Variants in DDX10 observed in about 807,000 individuals in gnomAD.
DDX10 encodes DEAD-box helicase 10, also known as probable ATP-dependent RNA helicase DDX10.
A neutral mutation model predicts 104.3 loss-of-function variants in DDX10; 74 were observed. The observed-to-expected ratio is 0.71, with a 90% CI of 0.59 to 0.86. DDX10 has a LOEUF of 0.86. DDX10 is among the 40% of genes least tolerant of loss of function. The pLI, the probability that DDX10 is intolerant of heterozygous loss-of-function variation, is 0.00. For synonymous variants in DDX10, 351 were observed against 353.4 expected, an observed-to-expected ratio of 0.99 and a Z score of 0.08; for missense variants, 952 against 1,040.0, an observed-to-expected ratio of 0.92 and a Z score of 1.16.
chr11:108,878,790 G>GT (rs34268579), intron 16 of DDX10, among the ~76,000 whole-genome samples: 142,093 of 150,000 alleles, frequency 0.95, 67,725 homozygotes, highest in South Asian at 1. Flanking sequence ...TAACATAGTT[G>GT]TTTTTTTTTT....
At chr11:108,707,755 T>A (rs2077790412) in intron 10 of DDX10, among the ~76,000 whole-genome samples, 1 of 152,184 alleles carries the variant, frequency 6.6e-6, no homozygotes, top group African/African-American at 2.4e-5. Context: ...TTCATTCCCT[T>A]AATAAAAATA....
At chr11:108,754,858 G>C (rs187283335) in intron 13 of DDX10, among the ~76,000 whole-genome samples, 145 of 152,142 alleles carry the variant, frequency 9.5e-4, no homozygotes, top group African/African-American at 3.4e-3. Flanking sequence ...TTAAAAACCA[G>C]AAAGTCAGAA....
At chr11:108,897,208 A>G (rs2134645081) in intron 16 of DDX10, among the ~76,000 whole-genome samples, 1 of 152,282 alleles carries the variant, frequency 6.6e-6, no homozygotes, top group South Asian at 2.1e-4. Flanking sequence ...CCCCAAAGAC[A>G]GTTCAAAGAA....
intron 17 of DDX10, among the ~76,000 whole-genome samples, chr11:108,936,244 T>A (rs956635532): frequency 2.0e-5 from 3 of 152,222 alleles, no homozygotes; most frequent in Non-Finnish European, 4.4e-5. Context: ...TGTTGTATGA[T>A]ACGTCCTTTC....
chr11:108,898,813 G>T (rs536269734), intron 16 of DDX10, among the ~76,000 whole-genome samples: 5 of 152,258 alleles, frequency 3.3e-5, no homozygotes, highest in African/African-American at 1.2e-4. Context: ...AAGAGCAGAG[G>T]GGCTTTGGTA....
chr11:108,777,590 T>C (rs1409628363), intron 13 of DDX10, among the ~76,000 whole-genome samples: 2 of 152,222 alleles, frequency 1.3e-5, no homozygotes, highest in African/African-American at 2.4e-5. Flanking sequence ...CCTGAAGTGC[T>C]GGGATTACAG....
intron 6 of DDX10, among the ~76,000 whole-genome samples, chr11:108,687,703 A>G (rs1055368102): frequency 6.6e-6 from 1 of 152,130 alleles, no homozygotes; most frequent in Non-Finnish European, 1.5e-5. Flanking sequence ...TGTTTTTTGC[A>G]AATATTTTTC....
At chr11:108,896,095 A>T (rs544617599) in intron 16 of DDX10, among the ~76,000 whole-genome samples, 1 of 152,256 alleles carries the variant, frequency 6.6e-6, no homozygotes, top group South Asian at 2.1e-4. Flanking sequence ...TTAGTAGGAG[A>T]TCCACTTTGC....
intron 12 of DDX10, among the ~76,000 whole-genome samples, chr11:108,720,462 A>AAT (rs1359250397): frequency 6.6e-6 from 1 of 152,140 alleles, no homozygotes; most frequent in African/African-American, 2.4e-5. Flanking sequence ...TTACTGCCTG[A>AAT]ATATTCCTCC....
At chr11:108,687,246 G>T (rs1214718947) in intron 6 of DDX10, among the ~76,000 whole-genome samples, 1 of 152,196 alleles carries the variant, frequency 6.6e-6, no homozygotes, top group Non-Finnish European at 1.5e-5. Flanking sequence ...TAAGTGTGAA[G>T]TGACATATCG....
At chr11:108,753,139 AATGT>A (rs139488119) in intron 13 of DDX10, among the ~76,000 whole-genome samples, 18,529 of 151,942 alleles carry the variant, frequency 0.12, 1,508 homozygotes, top group East Asian at 0.27. Context: ...CTGCAAACCA[AATGT>A]GTGTTTAATT....
At chr11:108,764,422 C>A (rs1185816346) in intron 13 of DDX10, among the ~76,000 whole-genome samples, 1 of 152,184 alleles carries the variant, frequency 6.6e-6, no homozygotes, top group East Asian at 1.9e-4. Flanking sequence ...AATCCCAGCA[C>A]TTTGGGAGGC....
At chr11:108,804,263 C>T (rs1047886520) in intron 13 of DDX10, among the ~76,000 whole-genome samples, 50 of 151,938 alleles carry the variant, frequency 3.3e-4, no homozygotes, top group African/African-American at 1.0e-3. Context: ...TTTGAGAGGC[C>T]GAGGAGGGAG....
intron 13 of DDX10, among the ~76,000 whole-genome samples, chr11:108,780,962 A>T (rs914468240): frequency 6.6e-6 from 1 of 152,134 alleles, no homozygotes; most frequent in Admixed American, 6.5e-5. Flanking sequence ...TTTATTTTAG[A>T]TACAGGGGAT....
intron 4 of DDX10, among the ~76,000 whole-genome samples, chr11:108,678,030 A>G (rs1291794654): frequency 6.6e-6 from 1 of 152,086 alleles, no homozygotes; most frequent in East Asian, 1.9e-4. Flanking sequence ...CAAATAGGAA[A>G]TCCTGACTTG....
intron 1 of DDX10, among the ~76,000 whole-genome samples, chr11:108,671,140 C>A (rs1285956485): frequency 6.6e-6 from 1 of 152,106 alleles, no homozygotes; most frequent in African/African-American, 2.4e-5. Context: ...ATTTTTCCCC[C>A]CTAAGAAAGG....
rs755368120 is a variant in DDX10, at chr11:108,678,360, G to A, written c.583G>A (p.Val195Met). 2 of 1,612,750 alleles carry A rather than the reference G, an allele frequency of 1.2e-6. No individual in the cohort carries two copies. The highest frequency in any genetic ancestry group is 1.1e-5 in the South Asian group (1 of 90,858). The change falls in exon 5 of 18, where the codon GTG becomes ATG. Residue 195 changes from valine (V) to methionine (M), a missense_variant. Around this residue, in one of 3 missense-constraint regions of DDX10, gnomAD observed 412 missense variants for 479.2 expected, o/e 0.86. Coordinates refer to ENST00000322536, the MANE Select transcript of DDX10 (RefSeq NM_004398.4). ...GAGGATCAACAACATAAATATACTC[G>A]TGTGCACACCAGGTCGGCTTCTTCA... ...AERINNINIL[V>M]CTPGRLLQHM...
intron 16 of DDX10, among the ~76,000 whole-genome samples, chr11:108,879,159 A>G (rs982528741): frequency 6.6e-6 from 1 of 151,866 alleles, no homozygotes; most frequent in African/African-American, 2.4e-5. Flanking sequence ...ACGCCACCAC[A>G]CCCGGCTAAT....
chr11:108,801,997 A>T (rs1207820298), intron 13 of DDX10, among the ~76,000 whole-genome samples: 1 of 138,560 alleles, frequency 7.2e-6, no homozygotes, highest in Non-Finnish European at 1.6e-5. Context: ...GGAAGGGGAG[A>T]GAAAGTGAGT....
Sources: gnomAD v4.1 joint callset for allele counts (sites outside exome capture counted in the v4.1 genomes callset) on GRCh38, gnomAD v4.1.1 for gene constraint, gnomAD v4.1.1 regional missense constraint, MANE v1.5 for transcripts, NCBI Gene and HGNC (gene_info 2026-07-23, HGNC 2026-07-21) for gene names.